THSD4: variants seen among roughly 807,000 people sequenced by gnomAD.
THSD4 encodes the protein thrombospondin type 1 domain containing 4.
A neutral mutation model predicts 119.0 loss-of-function variants in THSD4; 69 were observed. The ratio of observed to expected loss-of-function variants is 0.58; its 90% CI spans 0.48 to 0.71. The LOEUF (loss-of-function observed/expected upper bound fraction) is 0.71, where lower values mean the gene tolerates loss of function less well. Among genes scored for constraint, THSD4 ranks in the 30% least tolerant of loss-of-function variants. The pLI is 0.00. For synonymous variants in THSD4, 524 were observed against 540.4 expected, an observed-to-expected ratio of 0.97 and a Z score of 0.42; for missense variants, 1,393 against 1,391.1, an observed-to-expected ratio of 1.00 and a Z score of -0.02.
intron 6 of THSD4, among the ~76,000 whole-genome samples, chr15:71,310,739 T>G (rs184373584): frequency 1.3e-5 from 2 of 152,280 alleles, no homozygotes; most frequent in Admixed American, 6.5e-5. Flanking sequence ...GAAATATATT[T>G]TTAGGTTTTA....
chr15:71,378,281 G>A (rs1007063631), intron 6 of THSD4, among the ~76,000 whole-genome samples: 2 of 152,172 alleles, frequency 1.3e-5, no homozygotes, highest in African/African-American at 4.8e-5. Flanking sequence ...TAAAGATGCT[G>A]AGAAAGGGAT....
At chr15:71,459,356 C>CTG (rs1555416100) in intron 7 of THSD4, among the ~76,000 whole-genome samples, 208 of 140,478 alleles carry the variant, frequency 1.5e-3, no homozygotes, top group South Asian at 5.9e-3. Flanking sequence ...GTCTCTCTCT[C>CTG]TCTCTCTGTC....
intron 6 of THSD4, among the ~76,000 whole-genome samples, chr15:71,364,841 T>C (rs569526635): frequency 2.4e-4 from 36 of 152,340 alleles, no homozygotes; most frequent in Admixed American, 3.9e-4. Flanking sequence ...ATGAAATTGC[T>C]GGAAGCTGAT....
At chr15:71,529,685 G>C (rs1431835217) in intron 7 of THSD4, among the ~76,000 whole-genome samples, 1 of 152,092 alleles carries the variant, frequency 6.6e-6, no homozygotes, top group Non-Finnish European at 1.5e-5. Flanking sequence ...CCAGAAATTA[G>C]ACAATCATCA....
intron 7 of THSD4, among the ~76,000 whole-genome samples, chr15:71,613,184 T>G (rs1011643590): frequency 2.6e-5 from 4 of 152,046 alleles, no homozygotes; most frequent in Non-Finnish European, 5.9e-5. Flanking sequence ...CCTGTGAGTC[T>G]TGCATGGGAA....
At chr15:71,150,143 A>T (rs1234723947) in intron 2 of THSD4, among the ~76,000 whole-genome samples, 1 of 152,172 alleles carries the variant, frequency 6.6e-6, no homozygotes, top group Non-Finnish European at 1.5e-5. Flanking sequence ...ATCTGTCAAA[A>T]CGTTGCAAGC....
At chr15:71,688,183 A>G (rs534963816) in intron 8 of THSD4, among the ~76,000 whole-genome samples, 1 of 152,132 alleles carries the variant, frequency 6.6e-6, no homozygotes, top group Non-Finnish European at 1.5e-5. Context: ...CATGATTTTG[A>G]TTTATTGACT....
intron 7 of THSD4, among the ~76,000 whole-genome samples, chr15:71,435,162 A>T (rs1471965186): frequency 1.3e-5 from 2 of 150,228 alleles, no homozygotes; most frequent in Non-Finnish European, 3.0e-5. Context: ...TAAATGTTTC[A>T]TTTTTTTTTT....
intron 4 of THSD4, among the ~76,000 whole-genome samples, chr15:71,238,195 G>A (rs888258862): frequency 6.6e-6 from 1 of 152,010 alleles, no homozygotes; most frequent in Non-Finnish European, 1.5e-5. Flanking sequence ...AAATATTGTT[G>A]AAACAAATCA....
chr15:71,305,417 G>T (rs995133428), intron 6 of THSD4, among the ~76,000 whole-genome samples: 1 of 152,206 alleles, frequency 6.6e-6, no homozygotes, highest in South Asian at 2.1e-4. Flanking sequence ...GTTGGCTCAG[G>T]ACTGGAAAGC....
At chr15:71,353,124 T>G (rs1226691796) in intron 6 of THSD4, among the ~76,000 whole-genome samples, 3 of 152,208 alleles carry the variant, frequency 2.0e-5, no homozygotes, top group East Asian at 3.9e-4. Context: ...GTAGTGATCA[T>G]GCATCCCAGT....
chr15:71,686,253 C>G (rs1473452221), intron 8 of THSD4, among the ~76,000 whole-genome samples: 1 of 152,186 alleles, frequency 6.6e-6, no homozygotes, highest in African/African-American at 2.4e-5. Context: ...CACTTATTAA[C>G]CCAAACTACT....
chr15:71,659,807 G>T (rs1249233644), intron 7 of THSD4, among the ~76,000 whole-genome samples: 2 of 152,178 alleles, frequency 1.3e-5, no homozygotes, highest in Non-Finnish European at 2.9e-5. Context: ...ATGAGTAATG[G>T]GAAGATTCCT....
intron 10 of THSD4, among the ~76,000 whole-genome samples, chr15:71,734,677 C>G (rs1280764887): frequency 6.6e-6 from 1 of 151,870 alleles, no homozygotes; most frequent in Non-Finnish European, 1.5e-5. Flanking sequence ...CGTGTAGGGT[C>G]ATCAGTTACA....
At chr15:71,607,426 C>G (rs1244428668) in intron 7 of THSD4, among the ~76,000 whole-genome samples, 4 of 152,216 alleles carry the variant, frequency 2.6e-5, no homozygotes, top group Non-Finnish European at 5.9e-5. Context: ...GACGAACTGC[C>G]AAGGCCCAAG....
intron 3 of THSD4, among the ~76,000 whole-genome samples, chr15:71,155,422 A>G (rs556706672): frequency 2.0e-5 from 3 of 152,306 alleles, no homozygotes; most frequent in Admixed American, 1.3e-4. Context: ...CCCCGCCTCC[A>G]ATATTGGAGA....
chr15:71,639,591 T>A (rs1313220344), intron 7 of THSD4, among the ~76,000 whole-genome samples: 2 of 152,202 alleles, frequency 1.3e-5, no homozygotes, highest in Non-Finnish European at 2.9e-5. Context: ...AAGTCAAATT[T>A]TGCATCTTCT....
chr15:71,695,022 C>T (rs1007617616), intron 8 of THSD4, among the ~76,000 whole-genome samples: 1 of 152,164 alleles, frequency 6.6e-6, no homozygotes, highest in Non-Finnish European at 1.5e-5. Context: ...GAATTCACAT[C>T]TCATTCTGTC....
At chr15:71,489,260 T>G (rs1465121567) in intron 7 of THSD4, among the ~76,000 whole-genome samples, 3 of 152,238 alleles carry the variant, frequency 2.0e-5, no homozygotes, top group Admixed American at 2.0e-4. Flanking sequence ...TAGAATCATA[T>G]TCTTTTTCTG....
Sources: gnomAD v4.1 joint callset for allele counts (sites outside exome capture counted in the v4.1 genomes callset) on GRCh38, gnomAD v4.1.1 for gene constraint, MANE v1.5 for transcripts, NCBI Gene and HGNC (gene_info 2026-07-23, HGNC 2026-07-21) for gene names.